Variants in PDE1C observed in about 807,000 individuals in gnomAD.
PDE1C encodes the protein dual specificity calcium/calmodulin-dependent 3',5'-cyclic nucleotide phosphodiesterase 1C.
PDE1C carries 62 observed loss-of-function variants against 93.1 expected under a neutral mutation model. The ratio of observed to expected loss-of-function variants is 0.67; its 90% CI spans 0.54 to 0.82. PDE1C has a LOEUF of 0.82. PDE1C is among the 40% of genes least tolerant of loss of function. The pLI, the probability that PDE1C is intolerant of heterozygous loss-of-function variation, is 0.00. For synonymous variants in PDE1C, 325 were observed against 310.1 expected, an observed-to-expected ratio of 1.05 and a Z score of -0.50; for missense variants, 742 against 884.6, an observed-to-expected ratio of 0.84 and a Z score of 2.04.
At chr7:31,956,932 C>T (rs907215395) in intron 2 of PDE1C, among the ~76,000 whole-genome samples, 1 of 151,904 alleles carries the variant, frequency 6.6e-6, no homozygotes, top group African/African-American at 2.4e-5. Flanking sequence ...AGAGATTTTT[C>T]ATCTTGAGTA....
intron 1 of PDE1C, among the ~76,000 whole-genome samples, chr7:32,241,332 G>C (rs1808528460): frequency 6.6e-6 from 1 of 152,196 alleles, no homozygotes; most frequent in Admixed American, 6.5e-5. Flanking sequence ...CTCCACTGAA[G>C]AAGAACCAAG....
chr7:32,400,675 G>A (rs1784925229), intron 1 of PDE1C, among the ~76,000 whole-genome samples: 1 of 152,188 alleles, frequency 6.6e-6, no homozygotes, highest in African/African-American at 2.4e-5. Flanking sequence ...GCTCTTCCCT[G>A]CTCTGACATT....
chr7:32,249,717 T>A (rs982231866), intron 1 of PDE1C, among the ~76,000 whole-genome samples: 5 of 152,198 alleles, frequency 3.3e-5, no homozygotes, highest in African/African-American at 1.2e-4. Flanking sequence ...CCAGGAGATG[T>A]CATTATTTCA....
At chr7:32,193,232 AT>A (rs1804359695) in intron 2 of PDE1C, among the ~76,000 whole-genome samples, 1 of 152,098 alleles carries the variant, frequency 6.6e-6, no homozygotes, top group South Asian at 2.1e-4. Context: ...CCTTGTTCTC[AT>A]TTTTAAAGAA....
At chr7:31,617,864 G>C in the PDE1C span, among the ~76,000 whole-genome samples, 3 of 152,196 alleles carry the variant, frequency 2.0e-5, no homozygotes, top group Non-Finnish European at 4.4e-5. Context: ...TAAGAAGAGA[G>C]TTACTTTTAT....
At chr7:32,169,560 T>C (rs1405945311) in intron 3 of PDE1C, among the ~76,000 whole-genome samples, 1 of 152,148 alleles carries the variant, frequency 6.6e-6, no homozygotes, top group Admixed American at 6.5e-5. Flanking sequence ...CCAATACCAA[T>C]TAAATACCAA....
intron 1 of PDE1C, among the ~76,000 whole-genome samples, chr7:32,308,313 C>G (rs1428493088): frequency 6.6e-6 from 1 of 152,236 alleles, no homozygotes; most frequent in Non-Finnish European, 1.5e-5. Context: ...GGGCAGGGCA[C>G]AGACAAACAA....
chr7:31,819,498 T>C lies in PDE1C; in HGVS notation c.1583-3344A>G, dbSNP rs75558172. Among the ~76,000 whole-genome samples the C allele has an allele frequency of 5.1e-3, 771 of 152,240 alleles. 4 individuals are homozygous for C. The highest frequency in any genetic ancestry group is 0.018 in the African/African-American group (735 of 41,570). ...TTCAGGTCTTAGATTTAGCATCTAC[T>C]AGGCTTCTTGACTAGTAGAAAGCAA... On this transcript the variant is annotated intron_variant, in intron 14 of 17. Transcript: ENST00000396191.
At chr7:32,186,141 G>A (rs1348842476) in intron 2 of PDE1C, among the ~76,000 whole-genome samples, 2 of 146,108 alleles carry the variant, frequency 1.4e-5, no homozygotes, top group African/African-American at 5.1e-5. Flanking sequence ...TGTCGCCCAG[G>A]CCCGACTGCG....
In PDE1C at chr7:32,355,835, A is replaced by G. The variant is rs73312904; in HGVS notation, c.310+71987T>C. Among the ~76,000 whole-genome samples, 165 of 152,334 alleles carry G rather than the reference A, an allele frequency of 1.1e-3. 1 individual carries two copies. Among genetic ancestry groups the G allele is most frequent in the African/African-American group, 3.6e-3 (150 of 41,578 alleles). On this transcript the variant is annotated intron_variant, in intron 1 of 1. Transcript: ENST00000672256. Reference sequence around the variant, plus strand: ...GAAAAATGCAATACATACTCTCTGAAGGAGCTGCAAGTTTTGATAAATATA... The same window carrying G: ...GAAAAATGCAATACATACTCTCTGAGGGAGCTGCAAGTTTTGATAAATATA...
the PDE1C span, among the ~76,000 whole-genome samples, chr7:31,668,016 T>A: frequency 6.6e-6 from 1 of 152,140 alleles, no homozygotes; most frequent in Non-Finnish European, 1.5e-5. Context: ...AAATCTGCAT[T>A]TTTACATGTG....
In PDE1C at chr7:31,879,266, C is replaced by T. The variant is rs1860786; in HGVS notation, c.243-88G>A. 739,960 of 1,304,944 alleles carry T rather than the reference C, an allele frequency of 0.57. 215,435 individuals carry two copies. Among genetic ancestry groups the T allele is most frequent in the Non-Finnish European group, 0.6 (572,922 of 954,136 alleles). The allele number at this position is 1,304,944 out of a possible 1,614,324, so 80.8% of individuals were successfully genotyped here. ...AAGCAGCTGCTCCTCTCTGCCTCAC[C>T]TGCATGTTAGGTGCAAAGAAACCAA... On this transcript the variant is annotated intron_variant, in intron 3 of 17. Transcript: ENST00000396191.
intron 16 of PDE1C, chr7:31,786,938 TATCTATCTATCTATCTATC>T (rs879283918): frequency 0.012 from 806 of 64,790 alleles, 6 homozygotes; most frequent in South Asian, 0.038. Context: ...TCTATCTATC[TATCTATCTATCTATCTATC>T]ATCTATCTAT....
intron 1 of PDE1C, among the ~76,000 whole-genome samples, chr7:32,250,709 C>T (rs927574918): frequency 1.3e-5 from 2 of 152,220 alleles, no homozygotes; most frequent in African/African-American, 4.8e-5. Context: ...TAAGCACACC[C>T]AGTGACCTTG....
At chr7:32,162,341 A>T (rs1240667462) in intron 3 of PDE1C, among the ~76,000 whole-genome samples, 1 of 152,186 alleles carries the variant, frequency 6.6e-6, no homozygotes, top group Non-Finnish European at 1.5e-5. Flanking sequence ...CCCCCGTGCC[A>T]AGCTAGAAGT....
At chr7:31,961,133 T>C (rs1168732892) in intron 2 of PDE1C, among the ~76,000 whole-genome samples, 1 of 152,112 alleles carries the variant, frequency 6.6e-6, no homozygotes, top group African/African-American at 2.4e-5. Flanking sequence ...GAGCTACAAT[T>C]AATCTAGCTT....
intron 7 of PDE1C, among the ~76,000 whole-genome samples, chr7:31,854,682 T>G (rs1376925289): frequency 6.6e-6 from 1 of 152,132 alleles, no homozygotes; most frequent in African/African-American, 2.4e-5. Context: ...TACAAGCAAG[T>G]TGTGACTTTT....
chr7:31,741,862 C>T, the PDE1C span, among the ~76,000 whole-genome samples: 133 of 152,314 alleles, frequency 8.7e-4, 1 homozygote, highest in Non-Finnish European at 1.5e-4. Flanking sequence ...GACCAGGTCC[C>T]ATGTGCCCCA....
the PDE1C span, among the ~76,000 whole-genome samples, chr7:31,622,302 A>AT: frequency 1.3e-5 from 2 of 150,594 alleles, no homozygotes; most frequent in Admixed American, 6.6e-5. Context: ...CAGAATATAC[A>AT]TTTTTTTTTC....
Sources: allele counts gnomAD v4.1 joint callset (sites outside exome capture counted in the v4.1 genomes callset), GRCh38; gene constraint gnomAD v4.1.1; transcripts MANE v1.5; gene names NCBI Gene and HGNC (gene_info 2026-07-23, HGNC 2026-07-21).